The following FRAS1 variants were observed in gnomAD, a reference collection of about 807,000 sequenced individuals.
FRAS1 encodes extracellular matrix organizing protein FRAS1.
FRAS1 carries 290 observed loss-of-function variants against 435.2 expected under a neutral mutation model. That is an observed-to-expected ratio of 0.67 (90% CI 0.61 to 0.73). The LOEUF (loss-of-function observed/expected upper bound fraction) is 0.73, where lower values mean the gene tolerates loss of function less well. Ranked by LOEUF, FRAS1 falls within the 30% of genes least tolerant of loss-of-function variation. FRAS1 has a pLI of 0.00. For missense variants in FRAS1, 4,860 were observed against 5,001.5 expected (o/e 0.97, Z 0.85); for synonymous variants, 1,800 against 1,851.0 (o/e 0.97, Z 0.71).
chr4:78,085,379 A>G (rs1741095438), intron 2 of FRAS1, among the ~76,000 whole-genome samples: 1 of 152,146 alleles, frequency 6.6e-6, no homozygotes, highest in South Asian at 2.1e-4. Context: ...TCAGTGAAAC[A>G]TGGTCTTTTT....
intron 2 of FRAS1, among the ~76,000 whole-genome samples, chr4:78,109,020 A>G (rs1742544967): frequency 2.0e-5 from 1 of 49,452 alleles, no homozygotes. Context: ...ACATTCCTCG[A>G]CACATACACT....
At chr4:78,277,519 A>G (rs1278309946) in intron 9 of FRAS1, among the ~76,000 whole-genome samples, 1 of 152,090 alleles carries the variant, frequency 6.6e-6, no homozygotes, top group East Asian at 1.9e-4. Flanking sequence ...TTTAAAGAAT[A>G]CTCTTTAGGC....
chr4:78,433,354 T>C (rs1483806592), intron 38 of FRAS1, among the ~76,000 whole-genome samples: 1 of 152,252 alleles, frequency 6.6e-6, no homozygotes, highest in Non-Finnish European at 1.5e-5. Context: ...ATGACTAGTT[T>C]TTACAATGCC....
intron 2 of FRAS1, among the ~76,000 whole-genome samples, chr4:78,172,323 G>A (rs978132003): frequency 2.0e-5 from 3 of 152,122 alleles, no homozygotes; most frequent in African/African-American, 7.2e-5. Flanking sequence ...TTTAACATAT[G>A]TTATTTACCA....
At chr4:78,338,273 T>A (rs1730257512) in intron 20 of FRAS1, among the ~76,000 whole-genome samples, 1 of 151,952 alleles carries the variant, frequency 6.6e-6, no homozygotes, top group Non-Finnish European at 1.5e-5. Context: ...AGATGGGATT[T>A]TTTTTTTCTT....
intron 22 of FRAS1, 32 bp downstream of exon 22, chr4:78,364,086 C>T (rs557370928): frequency 6.4e-7 from 1 of 1,551,284 alleles, no homozygotes; most frequent in Non-Finnish European, 8.7e-7. Flanking sequence ...TCTCTCCTTT[C>T]CTTCTTTTCC....
intron 66 of FRAS1, among the ~76,000 whole-genome samples, chr4:78,519,037 T>C (rs373747602): frequency 1.3e-5 from 2 of 152,212 alleles, no homozygotes; most frequent in Non-Finnish European, 2.9e-5. Flanking sequence ...CCAAATCTTC[T>C]AGCAACTGAA....
intron 52 of FRAS1, among the ~76,000 whole-genome samples, chr4:78,472,652 C>CA (rs1719744243): frequency 6.6e-6 from 1 of 152,014 alleles, no homozygotes; most frequent in Non-Finnish European, 1.5e-5. Flanking sequence ...AACAAGAAAG[C>CA]AAAAAATAAC....
At chr4:78,515,251 A>T (rs1198686364) in intron 65 of FRAS1, among the ~76,000 whole-genome samples, 1 of 151,854 alleles carries the variant, frequency 6.6e-6, no homozygotes, top group African/African-American at 2.4e-5. Context: ...CACTAACAAA[A>T]AATTAAGACT....
chr4:78,331,569 C>T (rs75702390), intron 18 of FRAS1, among the ~76,000 whole-genome samples: 5,972 of 152,194 alleles, frequency 0.039, 324 homozygotes, highest in African/African-American at 0.12. Context: ...TATGTTACAT[C>T]TTATTAGGGG....
At chr4:78,328,503 G>A (rs1729805200) in intron 18 of FRAS1, among the ~76,000 whole-genome samples, 1 of 152,134 alleles carries the variant, frequency 6.6e-6, no homozygotes, top group Non-Finnish European at 1.5e-5. Flanking sequence ...TTAAAGCATT[G>A]CCACCTCACT....
At position 78,267,375 on chromosome 4, in the gene FRAS1, T is replaced by A; in HGVS notation, c.924T>A (p.Cys308Ter). 6.2e-7 allele frequency: 1 copy of A among 1,613,962 alleles called. No homozygotes were observed. Among genetic ancestry groups the A allele is most frequent in the Non-Finnish European group, 8.5e-7 (1 of 1,179,870 alleles). ...WKGSACEFCM[C>*]DHGQVTCQTG... ...GCTCGGCCTGTGAGTTCTGCATGTG[T>A]GATCATGGCCAAGTGACCTGCCAGA... Residue 308 changes from cysteine to a stop codon, truncating the protein, a stop_gained, in exon 9 of 74, where the codon TGT becomes TGA. Coordinates refer to ENST00000512123, the MANE Select transcript of FRAS1 (RefSeq NM_025074.7). LOFTEE classifies it high-confidence loss of function.
At chr4:78,093,471 T>C (rs1271927763) in intron 2 of FRAS1, among the ~76,000 whole-genome samples, 3 of 152,228 alleles carry the variant, frequency 2.0e-5, no homozygotes, top group African/African-American at 7.2e-5. Flanking sequence ...CAACTGATTA[T>C]ATTTAATATC....
At chr4:78,181,889 C>G (rs1560567315) in intron 2 of FRAS1, 5 of 1,611,424 alleles carry the variant, frequency 3.1e-6, no homozygotes, top group East Asian at 2.2e-5. Flanking sequence ...CTGAGCTGCG[C>G]TCTTGGCCCC....
At chr4:78,075,914 T>C (rs1301320811) in intron 2 of FRAS1, among the ~76,000 whole-genome samples, 6 of 152,130 alleles carry the variant, frequency 3.9e-5, no homozygotes, top group African/African-American at 1.4e-4. Context: ...GATGTAACAC[T>C]GAGAAGGGAT....
intron 31 of FRAS1, among the ~76,000 whole-genome samples, chr4:78,410,815 G>A (rs1733302320): frequency 6.6e-6 from 1 of 152,218 alleles, no homozygotes; most frequent in Non-Finnish European, 1.5e-5. Context: ...AACACTGACA[G>A]CATCTTTGTT....
chr4:78,366,051 A>C (rs937202040), intron 22 of FRAS1, among the ~76,000 whole-genome samples: 1 of 152,178 alleles, frequency 6.6e-6, no homozygotes, highest in African/African-American at 2.4e-5. Context: ...GAAATTCTGC[A>C]ATAAGGGCTT....
chr4:78,363,597 T>A lies in FRAS1; in HGVS notation c.2507T>A (p.Leu836Gln). The change falls in exon 21 of 74, where the codon CTG becomes CAG. Residue 836 changes from leucine to glutamine, a missense_variant. Coordinates refer to ENST00000512123, the MANE Select transcript of FRAS1 (RefSeq NM_025074.7). ...CTCAGGTGCCAGAATGCCCACTACC[T>A]GCTGCTCGGGGACCACTGTGTTCCT... ...ICLRCQNAHY[L>Q]LLGDHCVPDC... 6.2e-7 allele frequency: 1 copy of A among 1,610,338 alleles called. No individual in the cohort carries two copies. The highest frequency in any genetic ancestry group is 8.5e-7 in the Non-Finnish European group (1 of 1,178,378).
intron 50 of FRAS1, among the ~76,000 whole-genome samples, chr4:78,469,714 G>A (rs1254763337): frequency 6.6e-6 from 1 of 152,026 alleles, no homozygotes; most frequent in African/African-American, 2.4e-5. Flanking sequence ...CATAGCAGGT[G>A]AAATGACAGC....
Sources: allele counts gnomAD v4.1 joint callset (sites outside exome capture counted in the v4.1 genomes callset), GRCh38; gene constraint gnomAD v4.1.1; transcripts MANE v1.5; gene names NCBI Gene and HGNC (gene_info 2026-07-23, HGNC 2026-07-21).